CYYR1: variants seen among roughly 807,000 people sequenced by gnomAD.
The protein encoded by CYYR1 is cysteine and tyrosine-rich protein 1.
Under a neutral mutation model 15.2 loss-of-function variants are expected in CYYR1, and 14 were observed. The ratio of observed to expected loss-of-function variants is 0.92; its 90% CI spans 0.61 to 1.44. CYYR1 has a LOEUF of 1.44. Among genes scored for constraint, CYYR1 ranks in the 40% most tolerant of loss-of-function variants. The pLI is 0.00. For synonymous variants in CYYR1, 80 were observed against 77.4 expected (o/e 1.03, Z -0.18); for missense variants, 228 against 209.5 (o/e 1.09, Z -0.54).
intron 2 of CYYR1, among the ~76,000 whole-genome samples, chr21:26,485,756 G>T (rs868698312): frequency 6.6e-6 from 1 of 152,012 alleles, no homozygotes; most frequent in African/African-American, 2.4e-5. Flanking sequence ...AAATAAAGTT[G>T]CTATAAACAA....
At chr21:26,501,669 T>G (rs1211633341) in intron 2 of CYYR1, among the ~76,000 whole-genome samples, 1 of 152,206 alleles carries the variant, frequency 6.6e-6, no homozygotes, top group Non-Finnish European at 1.5e-5. Context: ...TCTCTTTTTC[T>G]TCATCTGTAC....
intron 2 of CYYR1, among the ~76,000 whole-genome samples, chr21:26,548,135 C>T (rs1268331240): frequency 2.6e-5 from 4 of 152,244 alleles, no homozygotes; most frequent in South Asian, 2.1e-4. Flanking sequence ...TCAATCACTT[C>T]GATCAAACAC....
rs185430319 is a variant in CYYR1, at chr21:26,495,924, G to A, written c.177-15495C>T. The stretch of plus-strand genomic sequence containing the variant: ...GTTAGTAGGCAGATGAAACTTCCAA[G>A]GACTTGGGCGTGGCTGTTAGGCTTC... On this transcript the variant is annotated intron_variant, in intron 2 of 3. Transcript: ENST00000652641. 2.6e-3 allele frequency among the ~76,000 whole-genome samples: 391 copies of A among 152,322 alleles called. 2 individuals are homozygous for A. The highest frequency in any genetic ancestry group is 4.5e-3 in the Non-Finnish European group (309 of 68,034).
Position 26,511,987 on chromosome 21 carries a change from T to TACAC in CYYR1, c.177-31562_177-31559dup, listed in dbSNP as rs61382991. On this transcript the variant is annotated intron_variant, in intron 2 of 3. Coordinates refer to ENST00000652641, the MANE Select transcript of CYYR1 (RefSeq NM_001320768.2). ...AGAAATATGTCAACAATATCACACA[T>TACAC]ACACACACACACACACACACACACA... Among the ~76,000 whole-genome samples, 569 of 148,190 alleles carry TACAC rather than the reference T, an allele frequency of 3.8e-3. 2 individuals carry two copies. The highest frequency in any genetic ancestry group is 0.01 in the African/African-American group (423 of 40,582).
chr21:26,523,715 A>G (rs1429490855), intron 2 of CYYR1, among the ~76,000 whole-genome samples: 1 of 152,118 alleles, frequency 6.6e-6, no homozygotes, highest in East Asian at 1.9e-4. Flanking sequence ...CAGGCTCTAG[A>G]TCAAATGTCA....
intron 2 of CYYR1, among the ~76,000 whole-genome samples, chr21:26,487,201 G>GTTT (rs1316863426): frequency 2.0e-5 from 3 of 151,668 alleles, no homozygotes; most frequent in African/African-American, 7.3e-5. Context: ...ATAAGTCAAA[G>GTTT]GTAAAAGTAT....
intron 1 of CYYR1, among the ~76,000 whole-genome samples, chr21:26,569,803 T>A (rs1980897529): frequency 1.3e-5 from 2 of 152,170 alleles, no homozygotes; most frequent in African/African-American, 4.8e-5. Flanking sequence ...GTGACTACTT[T>A]TATAAAGACA....
At chr21:26,558,176 G>A (rs928677839) in intron 2 of CYYR1, among the ~76,000 whole-genome samples, 9 of 152,114 alleles carry the variant, frequency 5.9e-5, no homozygotes, top group Admixed American at 3.9e-4. Flanking sequence ...AGTCTGAATC[G>A]GCATGTTAAA....
intron 2 of CYYR1, among the ~76,000 whole-genome samples, chr21:26,517,114 CAAAAAAAAAAAAAAAAA>C (rs61352955): frequency 2.6e-4 from 12 of 46,698 alleles, no homozygotes; most frequent in South Asian, 1.1e-3. Flanking sequence ...GACTCCGTCT[CAAAAAAAAAAAAAAAAA>C]AAAAAAAAAA....
At chr21:26,493,689 T>A (rs1040972806) in intron 2 of CYYR1, among the ~76,000 whole-genome samples, 1 of 151,576 alleles carries the variant, frequency 6.6e-6, no homozygotes, top group Non-Finnish European at 1.5e-5. Context: ...CCCAGAGGAG[T>A]GACCTCTAGA....
chr21:26,548,943 G>T (rs1225008538), intron 2 of CYYR1, among the ~76,000 whole-genome samples: 1 of 152,066 alleles, frequency 6.6e-6, no homozygotes, highest in Non-Finnish European at 1.5e-5. Flanking sequence ...ACATTTATAA[G>T]CTTGAATGTG....
At chr21:26,499,057 C>T (rs1028439954) in intron 2 of CYYR1, among the ~76,000 whole-genome samples, 14 of 152,024 alleles carry the variant, frequency 9.2e-5, no homozygotes, top group African/African-American at 2.9e-4. Flanking sequence ...TAATAAAAGT[C>T]GAGAATGGAA....
Position 26,573,275 on chromosome 21 carries a change from G to A in CYYR1, c.-335C>T. 7.7e-7 allele frequency: 1 copy of A among 1,307,118 alleles called. No individual in the cohort carries two copies. Among genetic ancestry groups the A allele is most frequent in the Non-Finnish European group, 9.9e-7 (1 of 1,011,008 alleles). 81.0% of individuals were successfully genotyped at this position (1,307,118 alleles called of 1,614,324 possible). A position where few individuals can be genotyped will look rare whatever the true frequency, so the allele number is the denominator to read the frequency against. On this transcript the variant is annotated 5_prime_UTR_variant, in exon 1 of 4. Coordinates refer to ENST00000652641, the MANE Select transcript of CYYR1 (RefSeq NM_001320768.2). ...AGGCTCACATTTCATCTCCGCGGGT[G>A]GCAACGACTGCGGGCAGGGGGCGGG...
chr21:26,480,061 A>T (rs2065153915), intron 3 of CYYR1, among the ~76,000 whole-genome samples: 1 of 152,090 alleles, frequency 6.6e-6, no homozygotes, highest in African/African-American at 2.4e-5. Context: ...AGACATTAAA[A>T]ATATGAATAC....
intron 2 of CYYR1, among the ~76,000 whole-genome samples, chr21:26,538,426 T>A (rs1316137244): frequency 6.6e-6 from 1 of 152,220 alleles, no homozygotes; most frequent in Non-Finnish European, 1.5e-5. Context: ...TTCTTTGTTC[T>A]TCTGTATGTA....
chr21:26,533,317 G>A (rs2065955971), intron 2 of CYYR1, among the ~76,000 whole-genome samples: 1 of 151,546 alleles, frequency 6.6e-6, no homozygotes. Flanking sequence ...TGATAATTAT[G>A]AGGGCTCACA....
intron 2 of CYYR1, among the ~76,000 whole-genome samples, chr21:26,490,103 C>A (rs776393873): frequency 3.3e-5 from 5 of 152,014 alleles, no homozygotes; most frequent in African/African-American, 4.8e-5. Flanking sequence ...AGGAGTTCAA[C>A]ACAAGCCTGG....
Position 26,566,313 on chromosome 21 carries a change from G to GTAATCACCCTACT in CYYR1, c.128_129insAGTAGGGTGATTA (p.Thr44ValfsTer3). On this transcript the variant is annotated stop_gained and frameshift_variant, in exon 2 of 4. Coordinates refer to ENST00000652641, the MANE Select transcript of CYYR1 (RefSeq NM_001320768.2). LOFTEE classifies it high-confidence loss of function. Reference sequence around the variant, plus strand: ...CGTAGTAGGAGCAACAGTAGGGCGTGGTTCCATCACAGCAGTAAGATTTGC... The same window carrying GTAATCACCCTACT: ...CGTAGTAGGAGCAACAGTAGGGCGTGTAATCACCCTACTGTTCCATCACAGCAGTAAGATTTGC... 6.2e-7 allele frequency: 1 copy of GTAATCACCCTACT among 1,613,848 alleles called. No individual in the cohort carries two copies. The highest frequency in any genetic ancestry group is 8.5e-7 in the Non-Finnish European group (1 of 1,179,866).
chr21:26,521,101 G>T (rs1407241190), intron 2 of CYYR1, among the ~76,000 whole-genome samples: 1 of 152,136 alleles, frequency 6.6e-6, no homozygotes, highest in African/African-American at 2.4e-5. Context: ...CCTAGGTGAT[G>T]GGTTGATAGG....
Sources: gnomAD v4.1 joint callset for allele counts (sites outside exome capture counted in the v4.1 genomes callset) on GRCh38, gnomAD v4.1.1 for gene constraint, MANE v1.5 for transcripts, NCBI Gene and HGNC (gene_info 2026-07-23, HGNC 2026-07-21) for gene names.